JAKMIP1: variants seen among roughly 807,000 people sequenced by gnomAD.
JAKMIP1 encodes the protein janus kinase and microtubule interacting protein 1.
Under a neutral mutation model 113.0 loss-of-function variants are expected in JAKMIP1, and 33 were observed. The ratio of observed to expected loss-of-function variants is 0.29; its 90% CI spans 0.22 to 0.39. The LOEUF (loss-of-function observed/expected upper bound fraction) is 0.39, where lower values mean the gene tolerates loss of function less well. JAKMIP1 is among the 10% of genes least tolerant of loss of function. The pLI is 1.00. For missense variants in JAKMIP1, 813 were observed against 1,080.5 expected (o/e 0.75, Z 3.47); for synonymous variants, 480 against 459.9 (o/e 1.04, Z -0.56).
At position 6,070,677 on chromosome 4, in the gene JAKMIP1, G is replaced by A. The variant is rs746920801; in HGVS notation, c.1303-5669C>T. ...TAGATTCTCCCTCAGGACCCAAACC[G>A]AGGAGCTGCCTCTGTCCTCATGTGT... On this transcript the variant is annotated intron_variant, in intron 8 of 20. Coordinates refer to ENST00000409021, the MANE Select transcript of JAKMIP1 (RefSeq NM_001099433.2). 3.3e-5 allele frequency among the ~76,000 whole-genome samples: 5 copies of A among 152,210 alleles called. No homozygotes were observed. The East Asian group carries it at 5.8e-4, about 18-fold the overall frequency.
chr4:6,076,197 T>A lies in JAKMIP1; in HGVS notation c.1302+2742A>T, dbSNP rs1319401214. Among the ~76,000 whole-genome samples, 1 of 151,998 alleles carries A rather than the reference T, an allele frequency of 6.6e-6. No individual in the cohort carries two copies. On this transcript the variant is annotated intron_variant, in intron 8 of 20. Transcript: ENST00000409021. This position sits in a 1 kb window ranked among gnomAD's most constrained non-coding sequence, Gnocchi z 4.8. ...ATCTCAAAAAAAATTAGTAAATAAA[T>A]AAAAAATAAAATAAACAAACAAACA...
At chr4:6,177,595 C>G (rs947178045) in intron 1 of JAKMIP1, among the ~76,000 whole-genome samples, 2 of 152,192 alleles carry the variant, frequency 1.3e-5, no homozygotes, top group East Asian at 1.9e-4. Flanking sequence ...TGCATCATCA[C>G]ACCTCACTTC....
rs969224560 is a variant in JAKMIP1, at chr4:6,042,149, A to G, written c.2097+10T>C. On this transcript the variant is annotated intron_variant, in intron 17 of 20. Coordinates refer to ENST00000409021, the MANE Select transcript of JAKMIP1 (RefSeq NM_001099433.2). The surrounding 1 kb of genome is among the most constrained non-coding windows in gnomAD (Gnocchi z 5.2). ...CCTCTCCCCCACCCCCAGGCAGTCA[A>G]ATCTTTTACCTTCTCCTTCTCCAGG... 11 of 1,612,824 alleles carry G rather than the reference A, an allele frequency of 6.8e-6. 1 individual carries two copies. The African/African-American group carries it at 1.3e-4, about 20-fold the overall frequency.
chr4:6,056,331 C>T (rs946761481), intron 12 of JAKMIP1, among the ~76,000 whole-genome samples: 2 of 147,210 alleles, frequency 1.4e-5, no homozygotes, highest in African/African-American at 5.0e-5. Flanking sequence ...CCCATTTCTG[C>T]AGGTGTCCCC....
At position 6,125,382 on chromosome 4, in the gene JAKMIP1, A is replaced by G. The variant is rs114273811; in HGVS notation, c.-147-12385T>C. 6.4e-3 allele frequency among the ~76,000 whole-genome samples: 976 copies of G among 152,248 alleles called. 15 individuals carry two copies. The highest frequency in any genetic ancestry group is 0.022 in the African/African-American group (914 of 41,518). Reference sequence around the variant, plus strand: ...CCACACAGTCCCACCAAGCTGGGACACAGGCCACCCAATGCCACTCTCCCA... The same window carrying G: ...CCACACAGTCCCACCAAGCTGGGACGCAGGCCACCCAATGCCACTCTCCCA... On this transcript the variant is annotated intron_variant, in intron 1 of 20. Transcript: ENST00000409021.
intron 1 of JAKMIP1, among the ~76,000 whole-genome samples, chr4:6,131,696 C>T (rs889342958): frequency 3.9e-5 from 6 of 152,242 alleles, no homozygotes; most frequent in Non-Finnish European, 7.3e-5. Flanking sequence ...TGCCACTGCA[C>T]TCCAGCCTGG....
chr4:6,133,204 TA>T (rs2108941042), intron 1 of JAKMIP1, among the ~76,000 whole-genome samples: 1 of 152,322 alleles, frequency 6.6e-6, no homozygotes, highest in South Asian at 2.1e-4. Context: ...GCCAGAATTT[TA>T]AAGTTAGCTA....
At chr4:6,082,251 G>A (rs1467090337) in intron 5 of JAKMIP1, among the ~76,000 whole-genome samples, 2 of 151,874 alleles carry the variant, frequency 1.3e-5, no homozygotes, top group Non-Finnish European at 2.9e-5. Context: ...ACAAGGGACT[G>A]ACTCTAGACC....
intron 3 of JAKMIP1, among the ~76,000 whole-genome samples, chr4:6,087,719 T>C (rs752836747): frequency 1.3e-4 from 20 of 152,318 alleles, no homozygotes; most frequent in Non-Finnish European, 2.6e-4. Flanking sequence ...CTCTCTCTTA[T>C]GTGCTAGTTG....
intron 1 of JAKMIP1, among the ~76,000 whole-genome samples, chr4:6,127,883 TCCGGGCACTCGGAAG>T (rs966114058): frequency 6.6e-5 from 10 of 152,184 alleles, no homozygotes; most frequent in Non-Finnish European, 7.4e-5. Context: ...CCTTAGCTCC[TCCGGGCACTCGGAAG>T]CCCCCAAAAT....
Position 6,122,985 on chromosome 4 carries a change from A to T in JAKMIP1, c.-147-9988T>A, listed in dbSNP as rs1190154756. 2.0e-4 allele frequency among the ~76,000 whole-genome samples: 30 copies of T among 152,262 alleles called. 1 individual carries two copies. Among genetic ancestry groups the T allele is most frequent in the Admixed American group, 1.9e-3 (29 of 15,290 alleles). Reference sequence around the variant, plus strand: ...TCAGAACAGGGACCAGACCGTAATAAGGACTCGGTAACAGTTAACAATTAT... The same window carrying T: ...TCAGAACAGGGACCAGACCGTAATATGGACTCGGTAACAGTTAACAATTAT... On this transcript the variant is annotated intron_variant, in intron 1 of 20. Coordinates refer to ENST00000409021, the MANE Select transcript of JAKMIP1 (RefSeq NM_001099433.2).
At chr4:6,126,314 CACAAACATACACCTTGCAGAA>C (rs1560232757) in intron 1 of JAKMIP1, among the ~76,000 whole-genome samples, 1 of 139,304 alleles carries the variant, frequency 7.2e-6, no homozygotes, top group African/African-American at 2.7e-5. Context: ...GAAACACACA[CACAAACATACACCTTGCAGAA>C]ACACACACAC....
intron 8 of JAKMIP1, among the ~76,000 whole-genome samples, chr4:6,072,104 T>G (rs1433548907): frequency 6.6e-6 from 1 of 152,244 alleles, no homozygotes; most frequent in Non-Finnish European, 1.5e-5. Flanking sequence ...CCTTATCTTA[T>G]GTAAAGTGTT....
intron 1 of JAKMIP1, among the ~76,000 whole-genome samples, chr4:6,145,979 T>C (rs994691782): frequency 5.9e-5 from 9 of 152,138 alleles, no homozygotes; most frequent in Non-Finnish European, 1.3e-4. Flanking sequence ...GGCTTCGACA[T>C]AGGAACTTTG....
rs914133319 is a variant in JAKMIP1, at chr4:6,040,236, C to T, written c.2175+403G>A. 1.3e-5 allele frequency among the ~76,000 whole-genome samples: 2 copies of T among 152,200 alleles called. No individual in the cohort carries two copies. The highest frequency in any genetic ancestry group is 4.8e-5 in the African/African-American group (2 of 41,460). On this transcript the variant is annotated intron_variant, in intron 18 of 20. Transcript: ENST00000409021. The surrounding 1 kb of genome is among the most constrained non-coding windows in gnomAD (Gnocchi z 5.8). ...ACCTCGTCCCTTCGGTTCTGAAAAT[C>T]ACCTGGCTTCATCTAATTGCTTTAC...
At chr4:6,172,219 C>G (rs770906350) in intron 1 of JAKMIP1, among the ~76,000 whole-genome samples, 8 of 152,218 alleles carry the variant, frequency 5.3e-5, no homozygotes, top group Non-Finnish European at 1.2e-4. Flanking sequence ...AGGATGCTTT[C>G]CTCCATGCTG....
rs1410531860 is a variant in JAKMIP1 at position 6,140,266 on chromosome 4, T to C, written c.-147-27269A>G. ...TTTTTTCCTCTTTTTTTTTTTTTTT[T>C]CTGTGGGGAGGGACTTTCACCAACA... On this transcript the variant is annotated intron_variant, in intron 1 of 20. Transcript: ENST00000409021. The surrounding 1 kb of genome is among the most constrained non-coding windows in gnomAD (Gnocchi z 9.4). Among the ~76,000 whole-genome samples the C allele has an allele frequency of 3.3e-5, 5 of 151,282 alleles. No homozygotes were observed. The highest frequency in any genetic ancestry group is 6.6e-5 in the Admixed American group (1 of 15,218).
intron 11 of JAKMIP1, 69 bp from the exon 12 acceptor site, chr4:6,056,828 T>A: frequency 1.9e-6 from 2 of 1,055,178 alleles, no homozygotes; most frequent in Non-Finnish European, 1.5e-6. Context: ...AAACTTTTAG[T>A]GAGAAAGGTC....
chr4:6,046,204 G>T (rs1714973074), intron 16 of JAKMIP1, among the ~76,000 whole-genome samples: 1 of 152,190 alleles, frequency 6.6e-6, no homozygotes, highest in South Asian at 2.1e-4. Context: ...GGTTCTCAGG[G>T]GGTCCTGCTG....
Sources: gnomAD v4.1 joint callset for allele counts (sites outside exome capture counted in the v4.1 genomes callset) on GRCh38, gnomAD v4.1.1 for gene constraint, Gnocchi (gnomAD v3.1) non-coding constraint, MANE v1.5 for transcripts, NCBI Gene and HGNC (gene_info 2026-07-23, HGNC 2026-07-21) for gene names.